Variants in LMBR1L observed in about 807,000 individuals in gnomAD.
LMBR1L encodes limb development membrane protein 1 like.
Under a neutral mutation model 67.3 loss-of-function variants are expected in LMBR1L, and 47 were observed. The observed-to-expected ratio is 0.70, with a 90% CI of 0.55 to 0.89. The LOEUF is 0.89. Ranked by LOEUF, LMBR1L falls within the 40% of genes least tolerant of loss-of-function variation. The pLI is 0.00. For synonymous variants in LMBR1L, 247 were observed against 250.3 expected, an observed-to-expected ratio of 0.99 and a Z score of 0.13; for missense variants, 533 against 599.2, an observed-to-expected ratio of 0.89 and a Z score of 1.15.
chr12:49,104,870 G>T lies in LMBR1L; in HGVS notation c.207C>A (p.Thr69=). ...TVNKIALELC[T]FTLAIALGAV... ...CACCCAGGGCAATTGCCAGGGTAAA[G>T]GTGCACAGCTCGAGCCTGGGCAGAG... The change falls in exon 4 of 17, where the codon ACC becomes ACA. Residue 69 remains threonine (T), a synonymous_variant. Transcript: ENST00000267102. The T allele has an allele frequency of 6.2e-7, 1 of 1,612,530 alleles. No individual in the cohort carries two copies.
At position 49,100,596 on chromosome 12, in the gene LMBR1L, CG is replaced by C. The variant is rs1207698110; in HGVS notation, c.1132del (p.Arg378GlyfsTer12). On this transcript the variant is annotated frameshift_variant, in exon 14 of 17. Transcript: ENST00000267102. LOFTEE classifies it high-confidence loss of function. ...VVGFYSSPLFRSLRPRWHDTA... is the reference protein window; with the variant it reads ...VVGFYSSPLFXSLRPRWHDTA... ...GTCGTGCCATCTGGGCCGCAGGCTC[CG>C]GAAGAGTGGAGAGCTATAGAAGCCC... is the stretch of plus-strand genomic sequence containing the variant. 4.3e-6 allele frequency: 7 copies of C among 1,613,972 alleles called. No homozygotes were observed. The highest frequency in any genetic ancestry group is 1.3e-5 in the African/African-American group (1 of 74,888).
chr12:49,098,575 C>T (rs1268724344), intron 15 of LMBR1L, among the ~76,000 whole-genome samples: 1 of 152,164 alleles, frequency 6.6e-6, no homozygotes, highest in Non-Finnish European at 1.5e-5. Flanking sequence ...AATGAGACAA[C>T]ACACATAAAG....
intron 10 of LMBR1L, 21 bp downstream of exon 10, chr12:49,102,272 A>C (rs779717398): frequency 1.2e-6 from 2 of 1,613,760 alleles, no homozygotes; most frequent in South Asian, 2.2e-5. Context: ...CAGGTATCCC[A>C]AGCCCTACGA....
Position 49,101,320 on chromosome 12 carries a change from T to C in LMBR1L, c.1012A>G (p.Thr338Ala), listed in dbSNP as rs1436929888. Residue 338 changes from threonine to alanine, a missense_variant, in exon 13 of 17, where the codon ACC (threonine) becomes GCC (alanine). Physicochemically the swap from Thr to Ala is moderately conservative, Grantham distance 58. Around this residue, in one of 3 missense-constraint regions of LMBR1L, gnomAD observed 223 missense variants for 241.2 expected, o/e 0.92. Transcript: ENST00000267102. Reference protein sequence around the residue: ...EAAMPRGMQGTSLGQVSFSKL... With the variant: ...EAAMPRGMQGASLGQVSFSKL... ...GAGAAGGAGACCTGGCCTAAGGAGG[T>C]ACCCTGAGGAGTGGGGCAGTATCAC... 4 of 1,613,818 alleles carry C rather than the reference T, an allele frequency of 2.5e-6. No individual in the cohort carries two copies. The highest frequency in any genetic ancestry group is 2.5e-6 in the Non-Finnish European group (3 of 1,179,948).
In LMBR1L at chr12:49,110,620, C is replaced by T. The variant is rs1468976108; in HGVS notation, c.-65G>A. The T allele has an allele frequency of 2.1e-6, 3 of 1,453,174 alleles. No homozygotes were observed. In the African/African-American group the frequency reaches 4.2e-5, roughly 20 times the overall value. The allele number at this position is 1,453,174 out of a possible 1,614,324, so 90.0% of individuals were successfully genotyped here. On this transcript the variant is annotated 5_prime_UTR_variant, in exon 1 of 17. Coordinates refer to ENST00000267102, the MANE Select transcript of LMBR1L (RefSeq NM_018113.4). ...CCGGGGAGGACGAGCGGGGAGGAAG[C>T]CGCCGCCGCCAAGCACCCAGACCCA...
intron 1 of LMBR1L, 150 bp from the exon 2 acceptor site, chr12:49,107,195 A>C (rs1941016488): frequency 1.7e-6 from 1 of 602,756 alleles, no homozygotes; most frequent in South Asian, 2.0e-5. Flanking sequence ...TTCTGTTCTG[A>C]TCCCCCAGGT....
In LMBR1L at chr12:49,097,987, C is replaced by T; in HGVS notation, c.1359G>A (p.Lys453=). The part of the protein sequence containing the change: ...FAGLTTLCLV[K]TFTAAVRAEL... The stretch of plus-strand genomic sequence containing the variant: ...CTGCCCGCACAGCTGCAGTGAAGGT[C>T]TTCACCAGACAGAGTGTGGTGAGGC... Residue 453 remains lysine (K), a synonymous_variant, in exon 16 of 17, where the codon AAG becomes AAA. Transcript: ENST00000267102. The T allele has an allele frequency of 3.1e-6, 5 of 1,614,086 alleles. No homozygotes were observed. Among genetic ancestry groups the T allele is most frequent in the Non-Finnish European group, 3.4e-6 (4 of 1,179,924 alleles).
In LMBR1L at chr12:49,110,495, G is replaced by T; in HGVS notation, c.61C>A (p.Arg21Ser). ...GGCCCCGCACTCACAATACACTCGC[G>T]GATCCTCTCGTGGAATAGCTGTTCT... ...VREQLFHERI[R>S]ECIISTLLFA... Residue 21 changes from arginine to serine, a missense_variant, in exon 1 of 17, where the codon CGC (arginine) becomes AGC (serine). Transcript: ENST00000267102. The T allele has an allele frequency of 6.2e-7, 1 of 1,613,884 alleles. No individual in the cohort carries two copies. Among genetic ancestry groups the T allele is most frequent in the South Asian group, 1.1e-5 (1 of 91,062 alleles).
At chr12:49,106,498 G>C in intron 2 of LMBR1L, 1 of 1,062,526 alleles carries the variant, frequency 9.4e-7, no homozygotes, top group Non-Finnish European at 1.3e-6. Context: ...GGAAAGCTGC[G>C]ATCTGAGCAT....
rs989314064 is a variant in LMBR1L at position 49,110,744 on chromosome 12, C to G, written c.-189G>C. The G allele has an allele frequency of 1.7e-6, 1 of 600,542 alleles. No individual in the cohort carries two copies. The highest frequency in any genetic ancestry group is 1.9e-5 in the African/African-American group (1 of 54,022). The allele number at this position is 600,542 out of a possible 1,614,324, so 37.2% of individuals were successfully genotyped here. A position where few individuals can be genotyped will look rare whatever the true frequency, so the allele number is the denominator to read the frequency against. On this transcript the variant is annotated 5_prime_UTR_variant, in exon 1 of 17. Coordinates refer to ENST00000267102, the MANE Select transcript of LMBR1L (RefSeq NM_018113.4). ...GCCCCGCCCTTAAAGGGGCAGGCACCACCCGCCTCGTTTTAAAGGGCTCTG... is the reference window on the plus strand; with the variant it reads ...GCCCCGCCCTTAAAGGGGCAGGCACGACCCGCCTCGTTTTAAAGGGCTCTG...
rs1255357651 is a variant in LMBR1L, at chr12:49,102,013, A to G, written c.930+107T>C. On this transcript the variant is annotated intron_variant, in intron 11 of 16. Transcript: ENST00000267102. Reference sequence around the variant, plus strand: ...TAAAAGTAGGCACTCAGTGAGAAGCAACCACTATTACTGATGATAACCAGG... The same window carrying G: ...TAAAAGTAGGCACTCAGTGAGAAGCGACCACTATTACTGATGATAACCAGG... 1.1e-5 allele frequency: 10 copies of G among 937,948 alleles called. No homozygotes were observed. The Admixed American group carries it at 2.1e-4, about 19-fold the overall frequency. The allele number at this position is 937,948 out of a possible 1,614,324, so 58.1% of individuals were successfully genotyped here.
chr12:49,102,104 G>A lies in LMBR1L; in HGVS notation c.930+16C>T. Reference sequence around the variant, plus strand: ...ACTGAGGGTCCACTCCTCACCTCTAGGGCTGGTATACCTACCGTCAGCACC... The same window carrying A: ...ACTGAGGGTCCACTCCTCACCTCTAAGGCTGGTATACCTACCGTCAGCACC... On this transcript the variant is annotated intron_variant, in intron 11 of 16. Transcript: ENST00000267102. 3.1e-6 allele frequency: 5 copies of A among 1,612,220 alleles called. No homozygotes were observed. The highest frequency in any genetic ancestry group is 4.2e-6 in the Non-Finnish European group (5 of 1,178,354).
intron 2 of LMBR1L, 128 bp from the exon 3 acceptor site, chr12:49,106,085 C>T (rs1236086531): frequency 1.4e-6 from 1 of 720,596 alleles, no homozygotes; most frequent in Non-Finnish European, 2.3e-6. Flanking sequence ...GAACAGGAGG[C>T]TCCAGGAGAC....
intron 1 of LMBR1L, chr12:49,110,106 T>C (rs1245818830): frequency 2.1e-6 from 1 of 485,294 alleles, no homozygotes; most frequent in Admixed American, 2.3e-5. Context: ...CAACGTCAGC[T>C]GAGTTTGCCC....
chr12:49,102,884 T>C lies in LMBR1L; in HGVS notation c.696+3A>G. ...GGATCAAAGAGCAAGGAATACCACA[T>C]ACCCGGGGCTTGACTAGCAGCTTCC... On this transcript the variant is annotated splice_donor_region_variant and intron_variant, in intron 8 of 16. Transcript: ENST00000267102. The C allele has an allele frequency of 1.2e-6, 2 of 1,613,858 alleles. No individual in the cohort carries two copies. Among genetic ancestry groups the C allele is most frequent in the Non-Finnish European group, 8.5e-7 (1 of 1,179,782 alleles).
Position 49,099,331 on chromosome 12 carries a change from T to A in LMBR1L, c.1240+1057A>T, listed in dbSNP as rs181814864. Among the ~76,000 whole-genome samples the A allele has an allele frequency of 2.0e-5, 3 of 151,544 alleles. No individual in the cohort carries two copies. The East Asian group carries it at 5.9e-4, about 30-fold the overall frequency. On this transcript the variant is annotated intron_variant, in intron 15 of 16. Transcript: ENST00000267102. ...ACCTGGCTAATTTTTATATTTTTCATAAAGATGGGGTTTCACCATGTTGGC... is the reference window on the plus strand; with the variant it reads ...ACCTGGCTAATTTTTATATTTTTCAAAAAGATGGGGTTTCACCATGTTGGC...
At chr12:49,100,997 A>G (rs1026814716) in intron 13 of LMBR1L, 51 of 704,100 alleles carry the variant, frequency 7.2e-5, no homozygotes, top group Non-Finnish European at 1.0e-4. Context: ...CCAAAGTGCT[A>G]GGATTACAGG....
rs775437707 is a variant in LMBR1L, at chr12:49,100,461, G to A, written c.1174-7C>T. On this transcript the variant is annotated splice_region_variant and splice_polypyrimidine_tract_variant and intron_variant, in intron 14 of 16. Coordinates refer to ENST00000267102, the MANE Select transcript of LMBR1L (RefSeq NM_018113.4). ...AGACACAGTTCCCAATTATCTGGGT[G>A]GAAGCAGGGAAAGGAGAGGTGAGGG... The A allele has an allele frequency of 3.1e-6, 5 of 1,613,428 alleles. No individual in the cohort carries two copies. The highest frequency in any genetic ancestry group is 4.2e-6 in the Non-Finnish European group (5 of 1,179,436).
At chr12:49,108,937 CAA>C (rs2121078574) in intron 1 of LMBR1L, among the ~76,000 whole-genome samples, 1 of 152,210 alleles carries the variant, frequency 6.6e-6, no homozygotes, top group Admixed American at 6.5e-5. Context: ...CGATCTAGAA[CAA>C]AGTCATAGCT....
Sources: gnomAD v4.1 joint callset for allele counts (sites outside exome capture counted in the v4.1 genomes callset) on GRCh38, gnomAD v4.1.1 for gene constraint, gnomAD v4.1.1 regional missense constraint, MANE v1.5 for transcripts, NCBI Gene and HGNC (gene_info 2026-07-23, HGNC 2026-07-21) for gene names.